Variants in CCNY observed in about 807,000 individuals in gnomAD.
The protein encoded by CCNY is cyclin Y.
Under a neutral mutation model 42.8 loss-of-function variants are expected in CCNY, and 19 were observed. That is an observed-to-expected ratio of 0.44 (90% CI 0.31 to 0.65). The LOEUF (loss-of-function observed/expected upper bound fraction) is 0.65. Ranked by LOEUF, CCNY falls within the 30% of genes least tolerant of loss-of-function variation. The pLI, the probability that CCNY is intolerant of heterozygous loss-of-function variation, is 0.07. For missense variants in CCNY, 370 were observed against 437.3 expected (o/e 0.85, Z 1.37); for synonymous variants, 165 against 162.7 (o/e 1.01, Z -0.11).
At chr10:35,468,960 A>T in intron 1 of CCNY, among the ~76,000 whole-genome samples, 1 of 152,200 alleles carries the variant, frequency 6.6e-6, no homozygotes. Flanking sequence ...TAGCTCTCTG[A>T]GGGTTCTAGC....
At chr10:35,506,613 T>C (rs552092631) in intron 3 of CCNY, among the ~76,000 whole-genome samples, 1 of 152,266 alleles carries the variant, frequency 6.6e-6, no homozygotes, top group Admixed American at 6.5e-5. Context: ...ACAAAGGAAG[T>C]GGCACTTGTA....
At chr10:35,275,750 G>A (rs12784837) in intron 3 of CCNY, among the ~76,000 whole-genome samples, 40,194 of 151,218 alleles carry the variant, frequency 0.27, 5,596 homozygotes, top group East Asian at 0.35. Context: ...GTGACACAGC[G>A]AGACTCCGTC....
intron 2 of CCNY, 138 bp downstream of exon 2, chr10:35,483,616 A>C (rs1471953576): frequency 5.7e-6 from 3 of 530,340 alleles, no homozygotes; most frequent in Non-Finnish European, 1.0e-5. Context: ...GTTTAATGGT[A>C]GTTCTCTTGG....
chr10:35,387,340 A>C (rs1192239049), intron 1 of CCNY, among the ~76,000 whole-genome samples: 1 of 152,118 alleles, frequency 6.6e-6, no homozygotes, highest in Non-Finnish European at 1.5e-5. Context: ...CCTGGTGATG[A>C]TGGTGGTTCT....
chr10:35,445,338 T>A (rs894376026), intron 1 of CCNY, among the ~76,000 whole-genome samples: 8 of 152,190 alleles, frequency 5.3e-5, no homozygotes, highest in African/African-American at 9.7e-5. Flanking sequence ...TACTGCTGTT[T>A]CCCACGGAGC....
chr10:35,514,075 CAAAAAA>C (rs11451104), intron 3 of CCNY, among the ~76,000 whole-genome samples: 30 of 76,190 alleles, frequency 3.9e-4, no homozygotes, highest in African/African-American at 1.1e-3. Context: ...AGGACCAGTT[CAAAAAA>C]AAAAAAAAAA....
At chr10:35,412,377 T>C (rs1245308092) in intron 1 of CCNY, among the ~76,000 whole-genome samples, 1 of 152,170 alleles carries the variant, frequency 6.6e-6, no homozygotes, top group Non-Finnish European at 1.5e-5. Flanking sequence ...GAACTCAGTA[T>C]AGAAGGACAG....
intron 3 of CCNY, among the ~76,000 whole-genome samples, chr10:35,295,068 T>C (rs528331926): frequency 2.6e-5 from 4 of 152,072 alleles, no homozygotes; most frequent in African/African-American, 4.8e-5. Context: ...GGCAGATGGA[T>C]TGCTTGAGCC....
intron 2 of CCNY, among the ~76,000 whole-genome samples, chr10:35,493,412 T>C (rs1209926970): frequency 1.3e-5 from 2 of 152,216 alleles, no homozygotes. Context: ...TTTTAAAAAC[T>C]CTGAGCACCT....
chr10:35,378,908 C>T (rs1303029399), intron 1 of CCNY, among the ~76,000 whole-genome samples: 1 of 152,144 alleles, frequency 6.6e-6, no homozygotes, highest in African/African-American at 2.4e-5. Context: ...TTTGCAACTG[C>T]ACTAGGCTTG....
intron 3 of CCNY, among the ~76,000 whole-genome samples, chr10:35,299,131 T>C (rs1160655924): frequency 5.9e-5 from 9 of 152,240 alleles, no homozygotes; most frequent in South Asian, 2.1e-4. Context: ...TTGCATTTTG[T>C]TGGAGAAGCC....
At chr10:35,267,311 GA>G (rs35490407) in intron 3 of CCNY, among the ~76,000 whole-genome samples, 35,866 of 132,312 alleles carry the variant, frequency 0.27, 4,477 homozygotes, top group Non-Finnish European at 0.3. Context: ...CCATCACTTA[GA>G]AAAAAAAAAA....
Position 35,570,324 on chromosome 10 carries a change from G to A in CCNY, c.*1154G>A, listed in dbSNP as rs926427135. On this transcript the variant is annotated 3_prime_UTR_variant, in exon 10 of 10. Coordinates refer to ENST00000374704, the MANE Select transcript of CCNY (RefSeq NM_145012.6). ...CTGAGGTATTTTTCACAGAATGATT[G>A]AATTAAAAAAAACTCAACTTGCATT... 1 of 152,200 alleles carries A rather than the reference G, an allele frequency of 6.6e-6. No individual in the cohort carries two copies. Among genetic ancestry groups the A allele is most frequent in the Non-Finnish European group, 1.5e-5 (1 of 67,996 alleles). The allele number at this position is 152,200 out of a possible 1,614,324, so 9.4% of individuals were successfully genotyped here.
In CCNY at chr10:35,572,243, G is replaced by T. The variant is rs1841700784; in HGVS notation, c.*3073G>T. On this transcript the variant is annotated 3_prime_UTR_variant, in exon 10 of 10. Coordinates refer to ENST00000374704, the MANE Select transcript of CCNY (RefSeq NM_145012.6). ...ATTTAAACTTTTCCTGCTGCTTTTG[G>T]TAACTTCTCACCTGGGGCCATATTT... 6.6e-6 allele frequency: 1 copy of T among 151,942 alleles called. No individual in the cohort carries two copies. The highest frequency in any genetic ancestry group is 1.5e-5 in the Non-Finnish European group (1 of 67,988). 9.4% of individuals were successfully genotyped at this position (151,942 alleles called of 1,614,324 possible).
chr10:35,324,050 T>C (rs916092533), intron 3 of CCNY, among the ~76,000 whole-genome samples: 6 of 151,578 alleles, frequency 4.0e-5, no homozygotes, highest in African/African-American at 1.5e-4. Context: ...GGTCTAAACT[T>C]CAAAGATAAT....
At chr10:35,513,554 C>T (rs937496421) in intron 3 of CCNY, among the ~76,000 whole-genome samples, 3 of 152,218 alleles carry the variant, frequency 2.0e-5, no homozygotes, top group African/African-American at 4.8e-5. Context: ...CCCACACACT[C>T]GCCCTGCTCA....
chr10:35,367,344 G>C, intron 1 of CCNY, among the ~76,000 whole-genome samples: 1 of 152,100 alleles, frequency 6.6e-6, no homozygotes, highest in East Asian at 1.9e-4. Flanking sequence ...CCTTGGGCCT[G>C]GTGCCTATCT....
At chr10:35,258,913 G>C (rs1280818135) in intron 3 of CCNY, among the ~76,000 whole-genome samples, 1 of 149,792 alleles carries the variant, frequency 6.7e-6, no homozygotes, top group Non-Finnish European at 1.5e-5. Flanking sequence ...TCCAGCCTGG[G>C]TGACAGAGAG....
intron 3 of CCNY, among the ~76,000 whole-genome samples, chr10:35,253,828 T>C (rs2095713613): frequency 6.6e-6 from 1 of 151,786 alleles, no homozygotes; most frequent in African/African-American, 2.4e-5. Context: ...TGTTTTAAAA[T>C]TGGCTATTGA....
Sources: allele counts gnomAD v4.1 joint callset (sites outside exome capture counted in the v4.1 genomes callset), GRCh38; gene constraint gnomAD v4.1.1; transcripts MANE v1.5; gene names NCBI Gene and HGNC (gene_info 2026-07-23, HGNC 2026-07-21).